RBFOX3: variants seen among roughly 807,000 people sequenced by gnomAD.
RBFOX3 encodes the protein RNA binding fox-1 homolog 3.
Under a neutral mutation model 48.7 loss-of-function variants are expected in RBFOX3, and 17 were observed. The observed-to-expected ratio is 0.35, with a 90% confidence interval of 0.24 to 0.52. RBFOX3 has a LOEUF of 0.52. Ranked by LOEUF, RBFOX3 falls within the 20% of genes least tolerant of loss-of-function variation. RBFOX3 has a pLI of 0.94. For missense variants in RBFOX3, 382 were observed against 497.5 expected, an observed-to-expected ratio of 0.77 and a Z score of 2.21; for synonymous variants, 212 against 209.5, an observed-to-expected ratio of 1.01 and a Z score of -0.10.
In RBFOX3 at chr17:79,168,221, G is replaced by A. The variant is rs567306617; in HGVS notation, c.-33-52473C>T. On this transcript the variant is annotated intron_variant, in intron 4 of 14. Transcript: ENST00000693108. Reference sequence around the variant, plus strand: ...GGCAGGGCCCTAAAGAGGCAGGTGCGGCTTGCCATGGGTGGGTCCCCCACT... The same window carrying A: ...GGCAGGGCCCTAAAGAGGCAGGTGCAGCTTGCCATGGGTGGGTCCCCCACT... Among the ~76,000 whole-genome samples, 13 of 152,288 alleles carry A rather than the reference G, an allele frequency of 8.5e-5. No homozygotes were observed. In the East Asian group the frequency reaches 1.4e-3, roughly 16 times the overall value.
intron 2 of RBFOX3, among the ~76,000 whole-genome samples, chr17:79,374,599 T>TACACGCAGCGAGGTTGGC (rs1291542450): frequency 1.3e-5 from 2 of 152,222 alleles, no homozygotes; most frequent in Non-Finnish European, 2.9e-5. Flanking sequence ...TGCGCCCAGG[T>TACACGCAGCGAGGTTGGC]ACACGCAGCG....
At chr17:79,620,571 G>A in the RBFOX3 span, among the ~76,000 whole-genome samples, 7 of 93,984 alleles carry the variant, frequency 7.4e-5, no homozygotes, top group South Asian at 3.7e-4. Context: ...ACACCCGCGC[G>A]TGCACACACG....
intron 3 of RBFOX3, among the ~76,000 whole-genome samples, chr17:79,280,131 C>T (rs2069929626): frequency 6.7e-6 from 1 of 148,986 alleles, no homozygotes; most frequent in African/African-American, 2.5e-5. Context: ...CACGCACATA[C>T]ATGTCACACA....
chr17:79,573,066 C>A (rs2144603929), intron 1 of RBFOX3, among the ~76,000 whole-genome samples: 1 of 152,348 alleles, frequency 6.6e-6, no homozygotes, highest in East Asian at 1.9e-4. Context: ...GTACACCTGG[C>A]AGCCCTGCCT....
At chr17:79,649,006 T>G in the RBFOX3 span, among the ~76,000 whole-genome samples, 228 of 145,956 alleles carry the variant, frequency 1.6e-3, no homozygotes, top group African/African-American at 5.3e-3. Context: ...TGAAACATAG[T>G]CTCACTCTGT....
chr17:79,209,485 G>A (rs376951369), intron 4 of RBFOX3, among the ~76,000 whole-genome samples: 21 of 152,290 alleles, frequency 1.4e-4, no homozygotes, highest in African/African-American at 3.1e-4. Context: ...AAATGTGGCC[G>A]GCACCGCAGG....
intron 2 of RBFOX3, among the ~76,000 whole-genome samples, chr17:79,330,126 C>T (rs369584829): frequency 4.6e-5 from 7 of 152,090 alleles, no homozygotes; most frequent in African/African-American, 2.4e-5. Flanking sequence ...TGTGCAGGTG[C>T]GTGTGGGCGC....
intron 14 of RBFOX3, chr17:79,091,939 G>A: frequency 3.0e-6 from 3 of 984,348 alleles, no homozygotes; most frequent in Non-Finnish European, 3.6e-6. Flanking sequence ...GACTACGTCG[G>A]CAAGAAATAT....
In RBFOX3 at chr17:79,530,919, G is replaced by A. The variant is rs1047306639; in HGVS notation, c.-319-48321C>T. ...TATTCCAGGCCTGGCGGGTTAGACGGTCTCGGCCAGTCAGAGCCACGTGGC... is the reference window on the plus strand; with the variant it reads ...TATTCCAGGCCTGGCGGGTTAGACGATCTCGGCCAGTCAGAGCCACGTGGC... On this transcript the variant is annotated intron_variant, in intron 1 of 14. Coordinates refer to ENST00000693108, the MANE Select transcript of RBFOX3 (RefSeq NM_001350451.2). Among the ~76,000 whole-genome samples the A allele has an allele frequency of 2.0e-5, 3 of 152,234 alleles. No individual in the cohort carries two copies. The East Asian group carries it at 5.8e-4, about 29-fold the overall frequency.
chr17:79,148,228 T>G (rs2144651444), intron 4 of RBFOX3, among the ~76,000 whole-genome samples: 1 of 152,364 alleles, frequency 6.6e-6, no homozygotes, highest in African/African-American at 2.4e-5. Context: ...GTTGGAGGAC[T>G]GGGGTCCCGT....
At chr17:79,575,211 A>C (rs1278853633) in intron 1 of RBFOX3, among the ~76,000 whole-genome samples, 6 of 152,174 alleles carry the variant, frequency 3.9e-5, no homozygotes, top group Non-Finnish European at 7.3e-5. Context: ...ATTAGTTATG[A>C]ATTACAGCAT....
At chr17:79,584,041 G>A (rs2093162469) in intron 1 of RBFOX3, among the ~76,000 whole-genome samples, 1 of 152,182 alleles carries the variant, frequency 6.6e-6, no homozygotes, top group East Asian at 1.9e-4. Context: ...GCTGGGAGAG[G>A]AGGAGGCAGG....
At chr17:79,573,732 T>A (rs1434658360) in intron 1 of RBFOX3, among the ~76,000 whole-genome samples, 1 of 152,196 alleles carries the variant, frequency 6.6e-6, no homozygotes, top group Admixed American at 6.5e-5. Context: ...CTCTGGAATG[T>A]TCTGTCCCCT....
At position 79,278,867 on chromosome 17, in the gene RBFOX3, A is replaced by G. The variant is rs371992401; in HGVS notation, c.-74+28857T>C. On this transcript the variant is annotated intron_variant, in intron 3 of 14. Coordinates refer to ENST00000693108, the MANE Select transcript of RBFOX3 (RefSeq NM_001350451.2). Reference sequence around the variant, plus strand: ...CCTCCAGTGACAGATGAGGAAATGCAAGCCGTGGGAGGAGAGGCAGGGGAG... The same window carrying G: ...CCTCCAGTGACAGATGAGGAAATGCGAGCCGTGGGAGGAGAGGCAGGGGAG... 2.8e-4 allele frequency among the ~76,000 whole-genome samples: 42 copies of G among 152,318 alleles called. No individual in the cohort carries two copies. The East Asian group carries it at 7.5e-3, about 27-fold the overall frequency.
intron 4 of RBFOX3, among the ~76,000 whole-genome samples, chr17:79,215,972 T>A (rs2612753): frequency 6.6e-6 from 1 of 152,064 alleles, no homozygotes; most frequent in Non-Finnish European, 1.5e-5. Context: ...TTTAACCCGA[T>A]AGCCTTGCAA....
At chr17:79,347,577 T>C (rs1354756325) in intron 2 of RBFOX3, among the ~76,000 whole-genome samples, 1 of 152,224 alleles carries the variant, frequency 6.6e-6, no homozygotes, top group Non-Finnish European at 1.5e-5. Context: ...ATTTTTTTCT[T>C]GGCTGATACA....
chr17:79,170,404 G>A (rs563457728), intron 4 of RBFOX3, among the ~76,000 whole-genome samples: 58 of 152,276 alleles, frequency 3.8e-4, no homozygotes, highest in African/African-American at 1.4e-3. Flanking sequence ...CCTGGAGCCT[G>A]AGGGAGGGCT....
At chr17:79,541,899 G>A (rs782640802) in intron 1 of RBFOX3, among the ~76,000 whole-genome samples, 3 of 152,036 alleles carry the variant, frequency 2.0e-5, no homozygotes, top group Non-Finnish European at 2.9e-5. Flanking sequence ...ACCTCCTGCC[G>A]ATGTCACCAG....
At chr17:79,546,269 C>G (rs1482784000) in intron 1 of RBFOX3, among the ~76,000 whole-genome samples, 3 of 152,168 alleles carry the variant, frequency 2.0e-5, no homozygotes, top group African/African-American at 7.2e-5. Flanking sequence ...CACAGAGGAT[C>G]CAGCTTGACA....
Sources: gnomAD v4.1 joint callset for allele counts (sites outside exome capture counted in the v4.1 genomes callset) on GRCh38, gnomAD v4.1.1 for gene constraint, MANE v1.5 for transcripts, NCBI Gene and HGNC (gene_info 2026-07-23, HGNC 2026-07-21) for gene names.